FHOD3: variants seen among roughly 807,000 people sequenced by gnomAD.
FHOD3 encodes formin homology 2 domain containing 3.
A neutral mutation model predicts 173.0 loss-of-function variants in FHOD3; 90 were observed. That is an observed-to-expected ratio of 0.52 (90% CI 0.44 to 0.62). The LOEUF is 0.62. FHOD3 is among the 20% of genes least tolerant of loss of function. The pLI, the probability that FHOD3 is intolerant of heterozygous loss-of-function variation, is 0.00. For missense variants in FHOD3, 1,945 were observed against 2,034.7 expected (o/e 0.96, Z 0.85); for synonymous variants, 828 against 823.0 (o/e 1.01, Z -0.10).
chr18:36,316,646 G>A lies in FHOD3; in HGVS notation c.165+18646G>A, dbSNP rs16967736. Among the ~76,000 whole-genome samples, 1,317 of 152,268 alleles carry A rather than the reference G, an allele frequency of 8.6e-3. 21 individuals are homozygous for A. The highest frequency in any genetic ancestry group is 0.03 in the African/African-American group (1,247 of 41,552). ...TAATCTGTAACTTGAGGATGGACCC[G>A]ATAAGGCAAACTGTAAGAGCCCACC... On this transcript the variant is annotated intron_variant, in intron 1 of 28. Coordinates refer to ENST00000590592, the MANE Select transcript of FHOD3 (RefSeq NM_001281740.3).
chr18:36,494,752 C>T (rs1472397198), intron 3 of FHOD3, among the ~76,000 whole-genome samples: 1 of 152,196 alleles, frequency 6.6e-6, no homozygotes, highest in South Asian at 2.1e-4. Context: ...ACACCTCCCA[C>T]CTGGCAGTCC....
chr18:36,674,929 T>C (rs371764428), intron 14 of FHOD3, among the ~76,000 whole-genome samples: 7 of 152,228 alleles, frequency 4.6e-5, no homozygotes, highest in African/African-American at 1.7e-4. Flanking sequence ...GTAACATTTT[T>C]TTCCTCAAAA....
At chr18:36,714,542 A>C (rs2040346636) in intron 18 of FHOD3, among the ~76,000 whole-genome samples, 1 of 152,182 alleles carries the variant, frequency 6.6e-6, no homozygotes, top group African/African-American at 2.4e-5. Flanking sequence ...GTCTCGAAGA[A>C]AAAAAATATT....
chr18:36,659,631 C>T (rs984604839), intron 14 of FHOD3, among the ~76,000 whole-genome samples: 7 of 152,192 alleles, frequency 4.6e-5, no homozygotes, highest in African/African-American at 1.4e-4. Flanking sequence ...GTGCCTGGGG[C>T]CTGGCAATAG....
intron 27 of FHOD3, among the ~76,000 whole-genome samples, chr18:36,763,356 C>T (rs559422243): frequency 1.4e-5 from 2 of 138,166 alleles, no homozygotes; most frequent in South Asian, 2.2e-4. Flanking sequence ...GTATTATACA[C>T]GTTATATACA....
chr18:36,690,657 T>G (rs915634839), intron 16 of FHOD3, among the ~76,000 whole-genome samples: 2 of 152,122 alleles, frequency 1.3e-5, no homozygotes, highest in Non-Finnish European at 2.9e-5. Context: ...CTCTGGCCAC[T>G]GCAGATGAAC....
At chr18:36,729,808 G>A (rs1034132754) in intron 19 of FHOD3, among the ~76,000 whole-genome samples, 12 of 152,182 alleles carry the variant, frequency 7.9e-5, no homozygotes, top group Admixed American at 2.0e-4. Context: ...CTTATAACAC[G>A]TGCTTGCCAA....
chr18:36,421,035 G>A (rs1270671851), intron 3 of FHOD3, among the ~76,000 whole-genome samples: 2 of 152,156 alleles, frequency 1.3e-5, no homozygotes, highest in Non-Finnish European at 2.9e-5. Context: ...AAAGTCTGGT[G>A]GTGGCCATCA....
At chr18:36,512,697 TAAAA>T (rs2055727876) in intron 5 of FHOD3, among the ~76,000 whole-genome samples, 154 bp downstream of exon 5, 1 of 27,006 alleles carries the variant, frequency 3.7e-5, no homozygotes, top group Non-Finnish European at 8.5e-5. Context: ...CTGCCATAGG[TAAAA>T]CAGGTTTTAC....
intron 3 of FHOD3, among the ~76,000 whole-genome samples, chr18:36,418,055 G>A (rs1442572132): frequency 6.6e-6 from 1 of 152,254 alleles, no homozygotes; most frequent in East Asian, 1.9e-4. Flanking sequence ...CATATCACGA[G>A]GTGCAATCAT....
At position 36,321,779 on chromosome 18, in the gene FHOD3, T is replaced by C. The variant is rs571619187; in HGVS notation, c.165+23779T>C. Among the ~76,000 whole-genome samples the C allele has an allele frequency of 1.1e-3, 163 of 152,260 alleles. 1 individual carries two copies. The highest frequency in any genetic ancestry group is 3.6e-3 in the African/African-American group (151 of 41,556). On this transcript the variant is annotated intron_variant, in intron 1 of 28. Transcript: ENST00000590592. ...TATTTGTAACAGCTGGAGAAACAAG[T>C]GGTGAATATGCAGGGGGGGCACTTC...
chr18:36,747,752 C>T (rs1381602011), intron 24 of FHOD3, among the ~76,000 whole-genome samples: 2 of 152,206 alleles, frequency 1.3e-5, no homozygotes, highest in Non-Finnish European at 2.9e-5. Context: ...TGTCCAGGGC[C>T]GTGCCACCAG....
At chr18:36,343,411 G>T (rs2045725157) in intron 1 of FHOD3, among the ~76,000 whole-genome samples, 1 of 152,172 alleles carries the variant, frequency 6.6e-6, no homozygotes, top group African/African-American at 2.4e-5. Flanking sequence ...AGTCACAAAA[G>T]ACCACTGCTA....
At chr18:36,392,354 T>G (rs1008393838) in intron 3 of FHOD3, among the ~76,000 whole-genome samples, 2 of 152,146 alleles carry the variant, frequency 1.3e-5, no homozygotes, top group African/African-American at 4.8e-5. Flanking sequence ...GAGTGTGGGA[T>G]TATAGTGAGA....
chr18:36,357,838 G>T (rs1568166981), intron 2 of FHOD3, among the ~76,000 whole-genome samples: 1 of 152,122 alleles, frequency 6.6e-6, no homozygotes, highest in Non-Finnish European at 1.5e-5. Context: ...GTGGTGTTGT[G>T]CTTGAGGACC....
intron 3 of FHOD3, among the ~76,000 whole-genome samples, chr18:36,494,369 A>G (rs1020568728): frequency 1.3e-5 from 2 of 152,222 alleles, no homozygotes; most frequent in Non-Finnish European, 2.9e-5. Flanking sequence ...GGCAAGAAAC[A>G]TGGCAAGAAA....
intron 10 of FHOD3, among the ~76,000 whole-genome samples, chr18:36,635,155 G>A (rs1035239483): frequency 1.3e-5 from 2 of 152,204 alleles, no homozygotes; most frequent in East Asian, 3.8e-4. Context: ...TTGGAAATGG[G>A]AGGAACTGTA....
intron 9 of FHOD3, among the ~76,000 whole-genome samples, chr18:36,612,767 A>G (rs999715307): frequency 1.3e-5 from 2 of 152,250 alleles, no homozygotes; most frequent in African/African-American, 4.8e-5. Context: ...AGAATCAGCC[A>G]AATTACCTAA....
intron 14 of FHOD3, among the ~76,000 whole-genome samples, chr18:36,666,433 T>A (rs1341726911): frequency 6.6e-6 from 1 of 152,204 alleles, no homozygotes; most frequent in Non-Finnish European, 1.5e-5. Flanking sequence ...GCAAATGCCT[T>A]TTACAACTGG....
Sources: allele counts gnomAD v4.1 joint callset (sites outside exome capture counted in the v4.1 genomes callset), GRCh38; gene constraint gnomAD v4.1.1; transcripts MANE v1.5; gene names NCBI Gene and HGNC (gene_info 2026-07-23, HGNC 2026-07-21).